Variants in SRSF10 observed in about 807,000 individuals in gnomAD.
SRSF10 encodes the protein serine and arginine rich splicing factor 10.
Under a neutral mutation model 32.6 loss-of-function variants are expected in SRSF10, and 9 were observed. That is an observed-to-expected ratio of 0.28 (90% confidence interval 0.17 to 0.48). The LOEUF is 0.48. Ranked by LOEUF, SRSF10 falls within the 20% of genes least tolerant of loss-of-function variation. The pLI, the probability that SRSF10 is intolerant of heterozygous loss-of-function variation, is 0.99. For missense variants in SRSF10, 201 were observed against 331.8 expected, an observed-to-expected ratio of 0.61 and a Z score of 3.06; for synonymous variants, 105 against 112.4, an observed-to-expected ratio of 0.93 and a Z score of 0.42.
At chr1:23,978,049 A>C (rs1381958818) in intron 2 of SRSF10, 7 of 985,422 alleles carry the variant, frequency 7.1e-6, no homozygotes, top group Non-Finnish European at 7.2e-6. Context: ...TTTGAAAAAC[A>C]ACCTTTTCCC....
In SRSF10 at chr1:23,971,560, C is replaced by A; in HGVS notation, c.491+13G>T. 6.2e-7 allele frequency: 1 copy of A among 1,607,178 alleles called. No homozygotes were observed. The highest frequency in any genetic ancestry group is 1.1e-5 in the South Asian group (1 of 88,732). Reference sequence around the variant, plus strand: ...AAAAATACATGAGTCTTTTTCAAAGCAAAGTTATTTACCTATCATTGTCGG... The same window carrying A: ...AAAAATACATGAGTCTTTTTCAAAGAAAAGTTATTTACCTATCATTGTCGG... On this transcript the variant is annotated intron_variant, in intron 5 of 5. Coordinates refer to ENST00000492112, the MANE Select transcript of SRSF10 (RefSeq NM_054016.4).
intron 1 of SRSF10, among the ~76,000 whole-genome samples, chr1:23,979,707 C>A (rs920135436): frequency 6.6e-6 from 1 of 152,154 alleles, no homozygotes; most frequent in Non-Finnish European, 1.5e-5. Flanking sequence ...CTGATTAAAA[C>A]CCCCAAATAT....
At position 23,964,356 on chromosome 1, in the gene SRSF10, GAT is replaced by G. The variant is rs1641353586; in HGVS notation, c.*6784_*6785del. Among the ~76,000 whole-genome samples the G allele has an allele frequency of 6.6e-6, 1 of 151,938 alleles. No individual in the cohort carries two copies. ...AACTTCATACTTTAGGAAAGGTACT[GAT>G]AAAAGTTTTGGTTAGCCTATATAGA... On this transcript the variant is annotated 3_prime_UTR_variant, in exon 6 of 6. Transcript: ENST00000492112.
chr1:23,975,146 T>C (rs544723740), intron 2 of SRSF10, 69 bp from the exon 3 acceptor site: 23 of 1,193,072 alleles, frequency 1.9e-5, no homozygotes, highest in Middle Eastern at 3.8e-4. Context: ...AGTTGGTATG[T>C]CTGGAACAAT....
chr1:23,972,683 C>A (rs1275285144), intron 3 of SRSF10, among the ~76,000 whole-genome samples: 14 of 152,020 alleles, frequency 9.2e-5, no homozygotes, highest in African/African-American at 3.4e-4. Context: ...CTCAAATAAT[C>A]CACCCGCCTC....
intron 3 of SRSF10, among the ~76,000 whole-genome samples, chr1:23,974,760 T>A (rs1641984066): frequency 6.7e-6 from 1 of 148,646 alleles, no homozygotes; most frequent in Non-Finnish European, 1.5e-5. Context: ...ACCCGGGAGG[T>A]GGTGGTTGCA....
In SRSF10 at chr1:23,965,458, T is replaced by C. The variant is rs1641406634; in HGVS notation, c.*5684A>G. 1 of 151,994 alleles carries C rather than the reference T, an allele frequency of 6.6e-6. No homozygotes were observed. Among genetic ancestry groups the C allele is most frequent in the Non-Finnish European group, 1.5e-5 (1 of 67,860 alleles). The allele number at this position is 151,994 out of a possible 1,614,324, so 9.4% of individuals were successfully genotyped here. A position where few individuals can be genotyped will look rare whatever the true frequency, so the allele number is the denominator to read the frequency against. ...AACATTATCCATTTACCTTGTAAGG[T>C]TGTGAGAAATGAATAGCATAATATG... On this transcript the variant is annotated 3_prime_UTR_variant, in exon 6 of 6. Coordinates refer to ENST00000492112, the MANE Select transcript of SRSF10 (RefSeq NM_054016.4).
rs1223937650 is a variant in SRSF10, at chr1:23,971,859, C to G, written c.428G>C (p.Ser143Thr). Residue 143 changes from serine (S) to threonine (T), a missense_variant, in exon 4 of 6, where the codon AGT becomes ACT. Coordinates refer to ENST00000492112, the MANE Select transcript of SRSF10 (RefSeq NM_054016.4). ...SFDYNYRRSY[S>T]PRNSRPTGRP... ...TACACAGCACACTTACTTTCTAGGA[C>G]TATACGATCTTCTATAGTTGTAATC... 1 of 1,606,908 alleles carries G rather than the reference C, an allele frequency of 6.2e-7. No individual in the cohort carries two copies. The highest frequency in any genetic ancestry group is 1.3e-5 in the African/African-American group (1 of 74,350).
intron 2 of SRSF10, chr1:23,975,964 A>C (rs992254988): frequency 6.6e-6 from 1 of 152,240 alleles, no homozygotes; most frequent in African/African-American, 2.4e-5. Flanking sequence ...CTCCCTGGTC[A>C]TGTCAGCAAT....
Position 23,967,961 on chromosome 1 carries a change from A to AG in SRSF10, c.*3180_*3181insC. ...TTTTTCTTCTTGCTTACTTGGCTTCAAAAAAAAAAAAAAAATGCAGAGAGA... is the reference window on the plus strand; with the variant it reads ...TTTTTCTTCTTGCTTACTTGGCTTCAGAAAAAAAAAAAAAAATGCAGAGAGA... On this transcript the variant is annotated 3_prime_UTR_variant, in exon 6 of 6. Transcript: ENST00000492112. 1.0e-5 allele frequency: 1 copy of AG among 97,646 alleles called. No individual in the cohort carries two copies. Among genetic ancestry groups the AG allele is most frequent in the Non-Finnish European group, 1.8e-5 (1 of 54,832 alleles). 6.0% of individuals were successfully genotyped at this position (97,646 alleles called of 1,614,324 possible).
chr1:23,970,416 A>G lies in SRSF10; in HGVS notation c.*726T>C, dbSNP rs1450760009. The G allele has an allele frequency of 1.1e-6, 1 of 924,846 alleles. No homozygotes were observed. The highest frequency in any genetic ancestry group is 1.9e-5 in the African/African-American group (1 of 53,428). 57.3% of individuals were successfully genotyped at this position (924,846 alleles called of 1,614,324 possible). A position where few individuals can be genotyped will look rare whatever the true frequency, so the allele number is the denominator to read the frequency against. On this transcript the variant is annotated 3_prime_UTR_variant, in exon 6 of 6. Transcript: ENST00000492112. The stretch of plus-strand genomic sequence containing the variant: ...CACTCTGTTGCCCAGGCTGGAGTGC[A>G]GTGGCGTGATTTTGGCTCACTGCAA...
rs555969931 is a variant in SRSF10 at position 23,974,307 on chromosome 1, A to G, written c.274+667T>C. Among the ~76,000 whole-genome samples the G allele has an allele frequency of 2.0e-5, 3 of 152,292 alleles. No homozygotes were observed. The South Asian group carries it at 6.2e-4, about 32-fold the overall frequency. On this transcript the variant is annotated intron_variant, in intron 3 of 5. Transcript: ENST00000492112. ...ATTAGTATCTTGCCCAAGGTAACAT[A>G]ATGGCTAAGCCAGAATTCACACACA...
Position 23,965,287 on chromosome 1 carries a change from A to T in SRSF10, c.*5855T>A, listed in dbSNP as rs1193041993. Reference sequence around the variant, plus strand: ...TCAAGTCACAGATACTTCAGAATATAATCTTAGGTTTTGTAAACAGGAACA... The same window carrying T: ...TCAAGTCACAGATACTTCAGAATATTATCTTAGGTTTTGTAAACAGGAACA... On this transcript the variant is annotated 3_prime_UTR_variant, in exon 6 of 6. Coordinates refer to ENST00000492112, the MANE Select transcript of SRSF10 (RefSeq NM_054016.4). 3.3e-5 allele frequency: 5 copies of T among 152,034 alleles called. No individual in the cohort carries two copies. Among genetic ancestry groups the T allele is most frequent in the African/African-American group, 1.2e-4 (5 of 41,458 alleles). The allele number at this position is 152,034 out of a possible 1,614,324, so 9.4% of individuals were successfully genotyped here.
In SRSF10 at chr1:23,971,140, T is replaced by C. The variant is rs1346732641; in HGVS notation, c.*2A>G. On this transcript the variant is annotated 3_prime_UTR_variant, in exon 6 of 6. Coordinates refer to ENST00000492112, the MANE Select transcript of SRSF10 (RefSeq NM_054016.4). ...GCCTAAAAATGACCATGGTTTATAC[T>C]ATCAGTGGCCACTGGACTTAGGACT... 49 of 1,599,062 alleles carry C rather than the reference T, an allele frequency of 3.1e-5. No homozygotes were observed. Among genetic ancestry groups the C allele is most frequent in the Non-Finnish European group, 3.7e-5 (43 of 1,174,776 alleles).
intron 3 of SRSF10, among the ~76,000 whole-genome samples, chr1:23,972,888 G>T (rs1641858330): frequency 6.6e-6 from 1 of 152,128 alleles, no homozygotes; most frequent in Admixed American, 6.6e-5. Flanking sequence ...ATTACAGCAT[G>T]CGCCACCACA....
intron 3 of SRSF10, among the ~76,000 whole-genome samples, chr1:23,973,851 A>G (rs1249422816): frequency 2.0e-5 from 3 of 152,172 alleles, no homozygotes; most frequent in African/African-American, 7.2e-5. Flanking sequence ...ATCTCATTCA[A>G]TTCAATGAAG....
chr1:23,970,688 G>T lies in SRSF10; in HGVS notation c.*454C>A. On this transcript the variant is annotated 3_prime_UTR_variant, in exon 6 of 6. Transcript: ENST00000492112. ...CTAGACATCTTGACAAGACATAAAG[G>T]TCCACCCTGAACCTAAATGTGTCTG... 1.0e-6 allele frequency: 1 copy of T among 987,842 alleles called. No homozygotes were observed. The highest frequency in any genetic ancestry group is 1.2e-6 in the Non-Finnish European group (1 of 831,782). The allele number at this position is 987,842 out of a possible 1,614,324, so 61.2% of individuals were successfully genotyped here.
chr1:23,979,360 C>T (rs1309819721), intron 1 of SRSF10, among the ~76,000 whole-genome samples: 1 of 151,968 alleles, frequency 6.6e-6, no homozygotes, highest in East Asian at 1.9e-4. Flanking sequence ...ACAAAGCTAG[C>T]AAAAAACCCC....
At position 23,978,123 on chromosome 1, in the gene SRSF10, A is replaced by AT. The variant is rs1338774347; in HGVS notation, c.170+589dup. ...CTTGTCCTTCTTCCAGCTTTTCTTT[A>AT]TTTTTTCTTTTCCCAAACTCTCCCT... On this transcript the variant is annotated intron_variant, in intron 2 of 5. Transcript: ENST00000492112. 9 of 984,808 alleles carry AT rather than the reference A, an allele frequency of 9.1e-6. No individual in the cohort carries two copies. In the South Asian group the frequency reaches 3.8e-4, roughly 41 times the overall value. 61.0% of individuals were successfully genotyped at this position (984,808 alleles called of 1,614,324 possible). A position where few individuals can be genotyped will look rare whatever the true frequency, so the allele number is the denominator to read the frequency against.
Sources: allele counts gnomAD v4.1 joint callset (sites outside exome capture counted in the v4.1 genomes callset), GRCh38; gene constraint gnomAD v4.1.1; transcripts MANE v1.5; gene names NCBI Gene and HGNC (gene_info 2026-07-23, HGNC 2026-07-21).